HPRT1: variants seen among roughly 807,000 people sequenced by gnomAD.
HPRT1 encodes the protein hypoxanthine phosphoribosyltransferase 1, also known as hypoxanthine-guanine phosphoribosyltransferase.
A neutral mutation model predicts 19.0 loss-of-function variants in HPRT1; 4 were observed. That is an observed-to-expected ratio of 0.21 (90% CI 0.10 to 0.48). The LOEUF (loss-of-function observed/expected upper bound fraction) is 0.48, where lower values mean the gene tolerates loss of function less well. Ranked by LOEUF, HPRT1 falls within the 20% of genes least tolerant of loss-of-function variation. The probability of loss-of-function intolerance (pLI) is 0.98; values close to 1 mark genes in which losing one functional copy is unlikely to be tolerated. For synonymous variants in HPRT1, 53 were observed against 54.9 expected, an observed-to-expected ratio of 0.97 and a Z score of 0.15; for missense variants, 65 against 164.0, an observed-to-expected ratio of 0.40 and a Z score of 3.30.
At chrX:134,487,307 G>T (rs1377477868) in intron 4 of HPRT1, among the ~76,000 whole-genome samples, 2 of 111,059 alleles carry the variant, frequency 1.8e-5, no homozygotes, top group Non-Finnish European at 1.9e-5. Context: ...TGAAAATAAT[G>T]GAGATATTAA....
At chrX:134,483,353 T>G (rs866759427) in intron 3 of HPRT1, among the ~76,000 whole-genome samples, 5 of 111,983 alleles carry the variant, frequency 4.5e-5, no homozygotes, top group Admixed American at 9.5e-5. Flanking sequence ...GGCGGATAAG[T>G]AGGCATAAAC....
At chrX:134,491,272 A>G (rs1044760456) in intron 5 of HPRT1, among the ~76,000 whole-genome samples, 80 of 109,944 alleles carry the variant, frequency 7.3e-4, no homozygotes, top group Non-Finnish European at 2.5e-4. Context: ...GAATCATACA[A>G]TATGTGGCCT....
intron 6 of HPRT1, among the ~76,000 whole-genome samples, chrX:134,495,008 A>C (rs2124302835): frequency 9.0e-6 from 1 of 111,080 alleles, no homozygotes; most frequent in South Asian, 3.8e-4. Flanking sequence ...AACACTAAGG[A>C]ATAAGATTTT....
intron 3 of HPRT1, among the ~76,000 whole-genome samples, chrX:134,479,291 C>T (rs1374617496): frequency 9.1e-6 from 1 of 109,595 alleles, no homozygotes; most frequent in Non-Finnish European, 1.9e-5. Context: ...TTTTTTGAGA[C>T]GAAGTCTCAC....
At chrX:134,468,111 C>T (rs751371304) in intron 1 of HPRT1, among the ~76,000 whole-genome samples, 36 of 109,860 alleles carry the variant, frequency 3.3e-4, no homozygotes, top group Non-Finnish European at 5.5e-4. Context: ...AGCGCCCAGC[C>T]GTCTTTTTTT....
At chrX:134,488,225 C>G (rs906642120) in intron 4 of HPRT1, among the ~76,000 whole-genome samples, 4 of 110,312 alleles carry the variant, frequency 3.6e-5, no homozygotes, top group African/African-American at 1.3e-4. Flanking sequence ...TGCAACCTCC[C>G]CTTCCCAGTT....
In HPRT1 at chrX:134,480,805, TTG is replaced by T. The variant is rs111997872; in HGVS notation, c.318+5465_318+5466del. On this transcript the variant is annotated intron_variant, in intron 3 of 8. Coordinates refer to ENST00000298556, the MANE Select transcript of HPRT1 (RefSeq NM_000194.3). ...CACACACACAAACACATATGTGTAT[TTG>T]TGTGTGTGTGTGTGTGTGTGTGTCT... Among the ~76,000 whole-genome samples, 564 of 91,301 alleles carry T rather than the reference TTG, an allele frequency of 6.2e-3. 1 individual carries two copies. The highest frequency in any genetic ancestry group is 7.6e-3 in the Non-Finnish European group (347 of 45,394). 79.3% of individuals were successfully genotyped at this position (91,301 alleles called of 115,157 possible). A position where few individuals can be genotyped will look rare whatever the true frequency, so the allele number is the denominator to read the frequency against.
At chrX:134,470,829 A>C (rs1382044869) in intron 1 of HPRT1, among the ~76,000 whole-genome samples, 1 of 109,405 alleles carries the variant, frequency 9.1e-6, no homozygotes, top group Non-Finnish European at 1.9e-5. Flanking sequence ...GCACCTTGGG[A>C]GGCTGAGGCA....
chrX:134,482,462 A>T (rs960434507), intron 3 of HPRT1, among the ~76,000 whole-genome samples: 8 of 112,276 alleles, frequency 7.1e-5, no homozygotes, highest in African/African-American at 2.6e-4. Context: ...GTTCAATAGA[A>T]CTTTCTTTGA....
chrX:134,484,613 A>G (rs1438728824), intron 3 of HPRT1, among the ~76,000 whole-genome samples: 1 of 112,367 alleles, frequency 8.9e-6, no homozygotes, highest in African/African-American at 3.2e-5. Flanking sequence ...TGCTGTTACA[A>G]ATTTGTTTAA....
chrX:134,479,575 T>TTTTTTG (rs1428499385), intron 3 of HPRT1, among the ~76,000 whole-genome samples: 46 of 111,008 alleles, frequency 4.1e-4, no homozygotes, highest in African/African-American at 1.5e-3. Flanking sequence ...TGGCCAGTGG[T>TTTTTTG]TTTTTGTTGT....
At chrX:134,471,782 A>G (rs1389199738) in intron 1 of HPRT1, among the ~76,000 whole-genome samples, 3 of 110,586 alleles carry the variant, frequency 2.7e-5, no homozygotes, top group African/African-American at 9.9e-5. Context: ...CTGGGACTAC[A>G]GGCGCGTGCC....
At chrX:134,463,123 AT>A (rs2077588751) in intron 1 of HPRT1, among the ~76,000 whole-genome samples, 2 of 111,934 alleles carry the variant, frequency 1.8e-5, no homozygotes, top group African/African-American at 6.5e-5. Flanking sequence ...AAACACTAGT[AT>A]GACCTTGGAG....
chrX:134,477,812 TA>T (rs200937330), intron 3 of HPRT1, among the ~76,000 whole-genome samples: 1,585 of 110,198 alleles, frequency 0.014, 29 homozygotes, highest in African/African-American at 0.05. Flanking sequence ...TAGCTGGGAC[TA>T]ACAGGTGTGC....
chrX:134,479,517 G>A (rs113280961), intron 3 of HPRT1, among the ~76,000 whole-genome samples: 1,596 of 112,047 alleles, frequency 0.014, 31 homozygotes, highest in African/African-American at 0.049. Flanking sequence ...TGATCCACCC[G>A]CCTCGGACTC....
intron 1 of HPRT1, among the ~76,000 whole-genome samples, chrX:134,471,242 A>C (rs1010836638): frequency 8.9e-6 from 1 of 111,850 alleles, no homozygotes; most frequent in Non-Finnish European, 1.9e-5. Context: ...TAGCAAAGCA[A>C]TAAAGAACTA....
At chrX:134,486,433 A>G (rs1354723545) in intron 3 of HPRT1, 32 bp from the exon 4 acceptor site, 3 of 754,044 alleles carry the variant, frequency 4.0e-6, no homozygotes, top group Admixed American at 6.7e-5. Flanking sequence ...GTGTAGATAT[A>G]TATATATATA....
chrX:134,472,191 CT>C (rs1282250534), intron 1 of HPRT1, among the ~76,000 whole-genome samples: 1 of 110,376 alleles, frequency 9.1e-6, no homozygotes, highest in Non-Finnish European at 1.9e-5. Context: ...CCATGTCGGT[CT>C]TGAACTCCTG....
chrX:134,470,322 A>G (rs1367737152), intron 1 of HPRT1, among the ~76,000 whole-genome samples: 1 of 111,928 alleles, frequency 8.9e-6, no homozygotes, highest in Non-Finnish European at 1.9e-5. Context: ...AAGTTCCACC[A>G]AAGTCTGAGA....
Sources: gnomAD v4.1 joint callset for allele counts (sites outside exome capture counted in the v4.1 genomes callset) on GRCh38, gnomAD v4.1.1 for gene constraint, MANE v1.5 for transcripts, NCBI Gene and HGNC (gene_info 2026-07-23, HGNC 2026-07-21) for gene names.